OTOA: variants seen among roughly 807,000 people sequenced by gnomAD.
The protein encoded by OTOA is cancer/testis antigen 108.
OTOA carries 70 observed loss-of-function variants against 110.8 expected under a neutral mutation model. That is an observed-to-expected ratio of 0.63 (90% CI 0.52 to 0.77). OTOA has a LOEUF of 0.77. OTOA is among the 30% of genes least tolerant of loss of function. The pLI, the probability that OTOA is intolerant of heterozygous loss-of-function variation, is 0.00. For missense variants in OTOA, 917 were observed against 1,075.8 expected, an observed-to-expected ratio of 0.85 and a Z score of 2.06; for synonymous variants, 373 against 431.5, an observed-to-expected ratio of 0.86 and a Z score of 1.68.
intron 8 of OTOA, among the ~76,000 whole-genome samples, chr16:21,690,620 G>C (rs1897810509): frequency 6.6e-6 from 1 of 151,970 alleles, no homozygotes; most frequent in Admixed American, 6.6e-5. Flanking sequence ...TTGACTACAT[G>C]TCTTTACTAT....
intron 22 of OTOA, among the ~76,000 whole-genome samples, chr16:21,738,925 T>C (rs1374307233): frequency 1.3e-5 from 2 of 151,146 alleles, no homozygotes; most frequent in African/African-American, 4.8e-5. Context: ...CTTGGATTTG[T>C]ACCCAAAGTT....
intron 9 of OTOA, among the ~76,000 whole-genome samples, chr16:21,692,023 T>A (rs1171633311): frequency 2.0e-5 from 3 of 152,192 alleles, no homozygotes; most frequent in South Asian, 4.1e-4. Flanking sequence ...TATAAAAAAA[T>A]CTATATTAAA....
intron 1 of OTOA, among the ~76,000 whole-genome samples, chr16:21,673,984 A>G (rs1235649379): frequency 6.6e-6 from 1 of 152,038 alleles, no homozygotes; most frequent in East Asian, 1.9e-4. Flanking sequence ...TTTTTAGTAG[A>G]GATGGGGTTT....
At chr16:21,671,808 G>A (rs1195384511) in intron 1 of OTOA, among the ~76,000 whole-genome samples, 1 of 151,998 alleles carries the variant, frequency 6.6e-6, no homozygotes, top group Non-Finnish European at 1.5e-5. Context: ...ATAAATGTAT[G>A]TATCTGTGTG....
In OTOA at chr16:21,670,947, G is replaced by A. The variant is rs552275553; in HGVS notation, c.-5+6715G>A. 7.2e-5 allele frequency among the ~76,000 whole-genome samples: 11 copies of A among 152,196 alleles called. No individual in the cohort carries two copies. The East Asian group carries it at 2.1e-3, about 29-fold the overall frequency. On this transcript the variant is annotated intron_variant, in intron 1 of 28. Transcript: ENST00000646100. ...ATCTGGGGAGGATAGCACCTTGGAGGGACAGACAGATGGCCCGGGCAGGAA... is the reference window on the plus strand; with the variant it reads ...ATCTGGGGAGGATAGCACCTTGGAGAGACAGACAGATGGCCCGGGCAGGAA...
intron 8 of OTOA, among the ~76,000 whole-genome samples, chr16:21,691,026 T>C (rs1194881415): frequency 7.3e-6 from 1 of 136,810 alleles, no homozygotes. Context: ...CCAAGTGATC[T>C]CATTGTTCAA....
chr16:21,669,410 C>T (rs1199505297), intron 1 of OTOA, among the ~76,000 whole-genome samples: 2 of 152,048 alleles, frequency 1.3e-5, no homozygotes, highest in African/African-American at 4.8e-5. Flanking sequence ...CACTGACTAT[C>T]TCTGTTTAGA....
intron 1 of OTOA, among the ~76,000 whole-genome samples, chr16:21,671,985 T>C (rs1185717802): frequency 6.6e-6 from 1 of 152,112 alleles, no homozygotes. Context: ...AATTTTTCCA[T>C]CACTCCAAGA....
chr16:21,685,469 T>A (rs569968939), intron 7 of OTOA, 108 bp downstream of exon 7: 2 of 1,480,912 alleles, frequency 1.4e-6, no homozygotes, highest in Non-Finnish European at 1.8e-6. Context: ...CATTGTCTCT[T>A]CCTCTCTCCT....
chr16:21,700,916 C>T lies in OTOA; in HGVS notation c.869C>T (p.Ala290Val), dbSNP rs765620510. 15 of 1,613,934 alleles carry T rather than the reference C, an allele frequency of 9.3e-6. No homozygotes were observed. Among genetic ancestry groups the T allele is most frequent in the South Asian group, 2.2e-5 (2 of 91,078 alleles). The change falls in exon 11 of 29, where the codon GCC (alanine) becomes GTC (valine). Residue 290 changes from alanine (A) to valine (V), a missense_variant. Physicochemically the swap from Ala to Val is moderately conservative, Grantham distance 64. Around this residue, in one of 6 missense-constraint regions of OTOA, gnomAD observed 840 missense variants for 910.2 expected, o/e 0.92. Coordinates refer to ENST00000646100, the MANE Select transcript of OTOA (RefSeq NM_144672.4). ...GGGCTGTTTATCAGCTATGACAACG[C>T]CACCAAGCAGCTGGACATGGTCTAT... ...EIGLFISYDN[A>V]TKQLDMVYDI...
At chr16:21,731,729 T>C (rs1185315154) in intron 21 of OTOA, among the ~76,000 whole-genome samples, 1 of 151,534 alleles carries the variant, frequency 6.6e-6, no homozygotes, top group South Asian at 2.1e-4. Flanking sequence ...AGGAAAGGAG[T>C]GAATGTTTGC....
intron 13 of OTOA, among the ~76,000 whole-genome samples, chr16:21,712,072 A>G (rs775290729): frequency 2.6e-5 from 4 of 152,064 alleles, no homozygotes; most frequent in Non-Finnish European, 5.9e-5. Context: ...TTATGCCTGT[A>G]ATCCCAGCAC....
chr16:21,721,232 TACACACACACACACAC>T (rs35961471), intron 17 of OTOA: 186 of 372,458 alleles, frequency 5.0e-4, no homozygotes, highest in African/African-American at 2.4e-3. Flanking sequence ...ACATAATTAT[TACACACACACACACAC>T]ACACACACAC....
chr16:21,664,974 GAATGAATA>G (rs1468729978), intron 1 of OTOA, among the ~76,000 whole-genome samples: 1 of 142,562 alleles, frequency 7.0e-6, no homozygotes, highest in Non-Finnish European at 1.5e-5. Context: ...TCTGTCTCAT[GAATGAATA>G]AATAAATAAA....
chr16:21,724,776 A>T (rs111438674), intron 18 of OTOA, among the ~76,000 whole-genome samples: 4,100 of 151,730 alleles, frequency 0.027, 76 homozygotes, highest in Non-Finnish European at 0.038. Context: ...TTAATTAATT[A>T]ATTAATTTAT....
chr16:21,710,016 C>A lies in OTOA; in HGVS notation c.1233C>A (p.His411Gln). 1 of 1,614,080 alleles carries A rather than the reference C, an allele frequency of 6.2e-7. No individual in the cohort carries two copies. Among genetic ancestry groups the A allele is most frequent in the Non-Finnish European group, 8.5e-7 (1 of 1,180,006 alleles). The change falls in exon 13 of 29, where the codon CAC becomes CAA. Residue 411 changes from histidine (H) to glutamine (Q), a missense_variant. This residue lies in a region of OTOA where 840 missense variants were observed against 910.2 expected (regional missense o/e 0.92). Transcript: ENST00000646100. ...QLESLSPEAV[H>Q]GAISTLNQVS... ...AATCCCTCTCCCCCGAGGCTGTGCA[C>A]GGAGCCATCTCCACCCTCAACCAGG...
At chr16:21,667,600 TA>T (rs199562813) in intron 1 of OTOA, among the ~76,000 whole-genome samples, 1,928 of 139,510 alleles carry the variant, frequency 0.014, 44 homozygotes, top group East Asian at 0.083. Context: ...GACTCTGTCT[TA>T]AAAAAAAAAA....
In OTOA at chr16:21,722,847, C is replaced by G. The variant is rs879025091; in HGVS notation, c.1807-58C>G. ...AGAATAGTACCTGGCACATGGAAAG[C>G]ACTGTGTTTGTTCTTCTTCTTACTG... On this transcript the variant is annotated intron_variant, in intron 17 of 28. Transcript: ENST00000646100. 17 of 1,464,790 alleles carry G rather than the reference C, an allele frequency of 1.2e-5. 1 individual carries two copies. The Admixed American group carries it at 2.5e-4, about 22-fold the overall frequency. The allele number at this position is 1,464,790 out of a possible 1,614,324, so 90.7% of individuals were successfully genotyped here.
chr16:21,686,983 A>G (rs1897727889), intron 7 of OTOA, among the ~76,000 whole-genome samples: 1 of 152,166 alleles, frequency 6.6e-6, no homozygotes, highest in African/African-American at 2.4e-5. Flanking sequence ...AAGACGCATG[A>G]GTCCCTTTAA....
Sources: gnomAD v4.1 joint callset for allele counts (sites outside exome capture counted in the v4.1 genomes callset) on GRCh38, gnomAD v4.1.1 for gene constraint, gnomAD v4.1.1 regional missense constraint, MANE v1.5 for transcripts, NCBI Gene and HGNC (gene_info 2026-07-23, HGNC 2026-07-21) for gene names.